The following AOAH variants were observed in gnomAD, a reference collection of about 807,000 sequenced individuals.
AOAH encodes acyloxyacyl hydrolase (neutrophil).
AOAH carries 64 observed loss-of-function variants against 92.2 expected under a neutral mutation model. The observed-to-expected ratio is 0.69, with a 90% confidence interval of 0.57 to 0.86. The LOEUF (loss-of-function observed/expected upper bound fraction) is 0.86. Among genes scored for constraint, AOAH ranks in the 40% least tolerant of loss-of-function variants. AOAH has a pLI of 0.00. For synonymous variants in AOAH, 263 were observed against 254.5 expected (o/e 1.03, Z -0.32); for missense variants, 656 against 694.6 (o/e 0.94, Z 0.62).
At chr7:36,627,451 C>T (rs1165899271) in intron 6 of AOAH, among the ~76,000 whole-genome samples, 1 of 151,878 alleles carries the variant, frequency 6.6e-6, no homozygotes, top group African/African-American at 2.4e-5. Flanking sequence ...GTCAGGTGAC[C>T]TTATGCAAAT....
At chr7:36,639,093 C>T (rs1174353717) in intron 4 of AOAH, among the ~76,000 whole-genome samples, 1 of 152,202 alleles carries the variant, frequency 6.6e-6, no homozygotes, top group Admixed American at 6.5e-5. Context: ...AGAGCTGATC[C>T]CAATCTTCAC....
chr7:36,667,931 T>A (rs1334033438), intron 3 of AOAH, among the ~76,000 whole-genome samples: 26 of 152,224 alleles, frequency 1.7e-4, no homozygotes, highest in Non-Finnish European at 7.3e-5. Context: ...TAATCTATAT[T>A]TATCTTTATA....
intron 1 of AOAH, among the ~76,000 whole-genome samples, chr7:36,704,003 T>A (rs1200431870): frequency 6.6e-6 from 1 of 152,214 alleles, no homozygotes; most frequent in Non-Finnish European, 1.5e-5. Flanking sequence ...ATCACCATTC[T>A]AACTGGATGC....
chr7:36,518,535 C>T (rs566539893), intron 20 of AOAH, among the ~76,000 whole-genome samples: 3 of 152,338 alleles, frequency 2.0e-5, no homozygotes, highest in African/African-American at 7.2e-5. Flanking sequence ...TGCCAGTTCA[C>T]ACAACCTTGG....
chr7:36,536,215 G>A (rs1785049045), intron 16 of AOAH, among the ~76,000 whole-genome samples: 1 of 152,154 alleles, frequency 6.6e-6, no homozygotes, highest in African/African-American at 2.4e-5. Context: ...CCTTCTGAGG[G>A]AAAAGGAGGC....
intron 13 of AOAH, among the ~76,000 whole-genome samples, chr7:36,566,944 G>A (rs1296288147): frequency 6.6e-6 from 1 of 152,032 alleles, no homozygotes; most frequent in African/African-American, 2.4e-5. Context: ...GAATAGCTGG[G>A]ATTACAGGCA....
intron 11 of AOAH, among the ~76,000 whole-genome samples, chr7:36,602,037 G>A (rs1790649671): frequency 6.6e-6 from 1 of 152,154 alleles, no homozygotes; most frequent in African/African-American, 2.4e-5. Context: ...ATGCTTATTC[G>A]ATGCACATTC....
At chr7:36,577,682 AG>A (rs1345073874) in intron 12 of AOAH, among the ~76,000 whole-genome samples, 1 of 152,198 alleles carries the variant, frequency 6.6e-6, no homozygotes, top group African/African-American at 2.4e-5. Context: ...AGATGTAAGT[AG>A]TTTAATTAAT....
chr7:36,669,798 C>G (rs1443235129), intron 3 of AOAH, among the ~76,000 whole-genome samples: 1 of 152,162 alleles, frequency 6.6e-6, no homozygotes, highest in Non-Finnish European at 1.5e-5. Flanking sequence ...GTAGTTTATG[C>G]CTGTCCTGAT....
At chr7:36,600,253 C>T (rs926165762) in intron 11 of AOAH, 3 of 152,246 alleles carry the variant, frequency 2.0e-5, no homozygotes, top group Non-Finnish European at 4.4e-5. Context: ...CACTTTAGAG[C>T]AACTACCATG....
Position 36,542,364 on chromosome 7 carries a change from G to A in AOAH, c.1134-1873C>T, listed in dbSNP as rs534460622. Reference sequence around the variant, plus strand: ...GAACTGAGATGGAATACATGTCTGCGTTTTGAGTCATCCAGTTTTGGTACT... The same window carrying A: ...GAACTGAGATGGAATACATGTCTGCATTTTGAGTCATCCAGTTTTGGTACT... On this transcript the variant is annotated intron_variant, in intron 15 of 20. Coordinates refer to ENST00000617537, the MANE Select transcript of AOAH (RefSeq NM_001637.4). Among the ~76,000 whole-genome samples, 8 of 152,300 alleles carry A rather than the reference G, an allele frequency of 5.3e-5. No homozygotes were observed. The East Asian group carries it at 5.8e-4, about 11-fold the overall frequency.
At chr7:36,628,086 T>C (rs1030668174) in intron 6 of AOAH, among the ~76,000 whole-genome samples, 2 of 152,194 alleles carry the variant, frequency 1.3e-5, no homozygotes, top group Non-Finnish European at 2.9e-5. Flanking sequence ...CACCTGCCTA[T>C]AGACGTGGCT....
At chr7:36,687,091 G>T (rs1421330254) in intron 1 of AOAH, among the ~76,000 whole-genome samples, 1 of 152,146 alleles carries the variant, frequency 6.6e-6, no homozygotes, top group Admixed American at 6.6e-5. Flanking sequence ...GGTAGAAGGA[G>T]AATCCAGGAT....
intron 18 of AOAH, 146 bp from the exon 19 acceptor site, chr7:36,530,660 T>C: frequency 1.7e-6 from 1 of 584,136 alleles, no homozygotes; most frequent in Non-Finnish European, 3.0e-6. Context: ...GCTCTGCACA[T>C]TAAATTCTAG....
In AOAH at chr7:36,634,015, A is replaced by T. The variant is rs1793345998; in HGVS notation, c.451-1909T>A. Among the ~76,000 whole-genome samples, 5 of 152,256 alleles carry T rather than the reference A, an allele frequency of 3.3e-5. No homozygotes were observed. The South Asian group carries it at 1.0e-3, about 32-fold the overall frequency. On this transcript the variant is annotated intron_variant, in intron 5 of 20. Transcript: ENST00000617537. ...TGTCCCCAGGGTGGGAGCAAGGGGC[A>T]ATATTGCCACGAGTTGGGAAGCACT... is the stretch of plus-strand genomic sequence containing the variant.
At chr7:36,669,705 C>T (rs934313010) in intron 3 of AOAH, among the ~76,000 whole-genome samples, 3 of 152,228 alleles carry the variant, frequency 2.0e-5, no homozygotes, top group South Asian at 4.1e-4. Flanking sequence ...ATTTTTAATG[C>T]CTCTCCCAAA....
chr7:36,690,026 A>T, intron 1 of AOAH: 2 of 325,576 alleles, frequency 6.1e-6, no homozygotes, highest in Non-Finnish European at 1.2e-5. Flanking sequence ...ATTTGTTTTA[A>T]TCCGTGGCTT....
intron 1 of AOAH, among the ~76,000 whole-genome samples, chr7:36,709,097 G>A (rs905895061): frequency 2.6e-5 from 4 of 152,210 alleles, no homozygotes; most frequent in East Asian, 3.9e-4. Flanking sequence ...CTTCCATGAT[G>A]CTCTTCTCCA....
intron 4 of AOAH, among the ~76,000 whole-genome samples, chr7:36,649,734 G>A (rs1244238247): frequency 2.0e-5 from 3 of 152,088 alleles, no homozygotes; most frequent in East Asian, 3.9e-4. Flanking sequence ...TGTTTGTTAC[G>A]ACTTGAGCTG....
Sources: gnomAD v4.1 joint callset for allele counts (sites outside exome capture counted in the v4.1 genomes callset) on GRCh38, gnomAD v4.1.1 for gene constraint, MANE v1.5 for transcripts, NCBI Gene and HGNC (gene_info 2026-07-23, HGNC 2026-07-21) for gene names.